PLPPR1: variants seen among roughly 807,000 people sequenced by gnomAD.
The protein encoded by PLPPR1 is phospholipid phosphatase-related protein type 1.
PLPPR1 carries 10 observed loss-of-function variants against 33.1 expected under a neutral mutation model. The ratio of observed to expected loss-of-function variants is 0.30; its 90% CI spans 0.19 to 0.51. The LOEUF (loss-of-function observed/expected upper bound fraction) is 0.51. Ranked by LOEUF, PLPPR1 falls within the 20% of genes least tolerant of loss-of-function variation. The probability of loss-of-function intolerance (pLI) is 0.97; values close to 1 mark genes in which losing one functional copy is unlikely to be tolerated. For synonymous variants in PLPPR1, 151 were observed against 151.0 expected (o/e 1.00, Z 0.00); for missense variants, 304 against 408.1 (o/e 0.74, Z 2.20).
chr9:101,128,254 G>C (rs1162631932), intron 1 of PLPPR1, among the ~76,000 whole-genome samples: 3 of 152,146 alleles, frequency 2.0e-5, no homozygotes, highest in Admixed American at 2.0e-4. Flanking sequence ...CAGCTGTAGA[G>C]AAATTCAAAG....
chr9:101,171,638 CAA>C (rs113283405), intron 1 of PLPPR1, among the ~76,000 whole-genome samples: 2,142 of 152,270 alleles, frequency 0.014, 11 homozygotes, highest in Middle Eastern at 0.02. Flanking sequence ...CTTGAAAGCT[CAA>C]AGAGTGTATT....
chr9:101,176,142 G>A (rs1236723165), intron 1 of PLPPR1, among the ~76,000 whole-genome samples: 2 of 152,104 alleles, frequency 1.3e-5, no homozygotes, highest in African/African-American at 2.4e-5. Context: ...AAGGGTAGCC[G>A]GACAAGCCAG....
intron 2 of PLPPR1, among the ~76,000 whole-genome samples, chr9:101,266,291 G>A (rs1010329691): frequency 1.3e-5 from 2 of 151,536 alleles, no homozygotes; most frequent in African/African-American, 2.4e-5. Flanking sequence ...AGCCAGGCGT[G>A]ATGGCATGCA....
At chr9:101,065,412 G>A (rs1830399161) in intron 1 of PLPPR1, among the ~76,000 whole-genome samples, 1 of 152,006 alleles carries the variant, frequency 6.6e-6, no homozygotes, top group Non-Finnish European at 1.5e-5. Flanking sequence ...ACATTTCTCT[G>A]GCACATTTGT....
intron 2 of PLPPR1, among the ~76,000 whole-genome samples, chr9:101,200,956 C>G (rs752806928): frequency 1.3e-5 from 2 of 152,136 alleles, no homozygotes; most frequent in Non-Finnish European, 2.9e-5. Flanking sequence ...AATATATGAG[C>G]CTGAGTAAAT....
At position 101,261,635 on chromosome 9, in the gene PLPPR1, G is replaced by A. The variant is rs2118881035; in HGVS notation, c.64-8245G>A. Among the ~76,000 whole-genome samples, 4 of 152,214 alleles carry A rather than the reference G, an allele frequency of 2.6e-5. No homozygotes were observed. In the Middle Eastern group the frequency reaches 0.01, roughly 391 times the overall value. ...TGATAGACTGGATAAATAAACTGTGGAACACATACACCATGGAATAGTATG... is the reference window on the plus strand; with the variant it reads ...TGATAGACTGGATAAATAAACTGTGAAACACATACACCATGGAATAGTATG... On this transcript the variant is annotated intron_variant, in intron 2 of 7. Transcript: ENST00000374874.
At chr9:101,184,669 T>C (rs1826174145) in intron 1 of PLPPR1, among the ~76,000 whole-genome samples, 1 of 152,042 alleles carries the variant, frequency 6.6e-6, no homozygotes, top group African/African-American at 2.4e-5. Flanking sequence ...TACTTCATTG[T>C]ATTAAGAAGA....
intron 1 of PLPPR1, among the ~76,000 whole-genome samples, chr9:101,179,351 A>G (rs1389362760): frequency 6.6e-6 from 1 of 152,184 alleles, no homozygotes; most frequent in African/African-American, 2.4e-5. Flanking sequence ...TGGGTAGTAG[A>G]AGAAGTTAAT....
intron 4 of PLPPR1, among the ~76,000 whole-genome samples, chr9:101,304,094 G>A (rs1332695209): frequency 6.6e-6 from 1 of 150,772 alleles, no homozygotes; most frequent in Non-Finnish European, 1.5e-5. Flanking sequence ...ATGATTTACA[G>A]TTTTCCAATT....
At chr9:101,069,746 C>T (rs1325767645) in intron 1 of PLPPR1, among the ~76,000 whole-genome samples, 2 of 152,124 alleles carry the variant, frequency 1.3e-5, no homozygotes, top group Non-Finnish European at 2.9e-5. Context: ...ACGTCCCTAA[C>T]TGTCAGCATC....
chr9:101,241,384 C>T (rs540384038), intron 2 of PLPPR1, among the ~76,000 whole-genome samples: 51 of 151,962 alleles, frequency 3.4e-4, no homozygotes, highest in Non-Finnish European at 6.8e-4. Flanking sequence ...TTTCCTTGGG[C>T]CACACATAAA....
intron 1 of PLPPR1, among the ~76,000 whole-genome samples, chr9:101,042,843 A>G (rs998866382): frequency 1.3e-5 from 2 of 152,310 alleles, no homozygotes; most frequent in Non-Finnish European, 1.5e-5. Context: ...GTCACTTCAT[A>G]TGGAATTCAC....
At chr9:101,132,915 C>T (rs1318080282) in intron 1 of PLPPR1, among the ~76,000 whole-genome samples, 3 of 152,194 alleles carry the variant, frequency 2.0e-5, no homozygotes, top group South Asian at 4.1e-4. Flanking sequence ...GTCTCTGGAA[C>T]TTGTCTCTGT....
chr9:101,068,023 T>G (rs536342650), intron 1 of PLPPR1, among the ~76,000 whole-genome samples: 11 of 152,222 alleles, frequency 7.2e-5, no homozygotes, highest in African/African-American at 2.6e-4. Context: ...CAGTTATTAT[T>G]AAAAGGTGTC....
intron 3 of PLPPR1, among the ~76,000 whole-genome samples, chr9:101,277,184 A>G (rs1264220195): frequency 1.3e-5 from 2 of 152,240 alleles, no homozygotes; most frequent in African/African-American, 2.4e-5. Context: ...GAAGCCTCCC[A>G]GGGAGAATAT....
intron 1 of PLPPR1, among the ~76,000 whole-genome samples, chr9:101,058,733 C>G (rs1372283477): frequency 6.6e-6 from 1 of 151,954 alleles, no homozygotes; most frequent in Non-Finnish European, 1.5e-5. Context: ...ATTTTATAGG[C>G]AAAAGAGTTT....
At chr9:101,030,920 G>A (rs1426238972) in intron 1 of PLPPR1, among the ~76,000 whole-genome samples, 1 of 151,600 alleles carries the variant, frequency 6.6e-6, no homozygotes, top group Non-Finnish European at 1.5e-5. Flanking sequence ...CATAGCCAAA[G>A]GTGAAAAGCT....
At position 101,172,667 on chromosome 9, in the gene PLPPR1, G is replaced by GCT. The variant is rs1412352595; in HGVS notation, c.-45-12774_-45-12773dup. On this transcript the variant is annotated intron_variant, in intron 1 of 7. Coordinates refer to ENST00000374874, the MANE Select transcript of PLPPR1 (RefSeq NM_207299.2). ...AAGGTCCCTCTGCAAACCCCCAAGT[G>GCT]CTCTCTCTCTGCAGCACTTTCCTCT... Among the ~76,000 whole-genome samples the GCT allele has an allele frequency of 3.3e-5, 5 of 152,090 alleles. No individual in the cohort carries two copies. The South Asian group carries it at 8.3e-4, about 25-fold the overall frequency.
At chr9:101,050,055 G>A (rs1171283457) in intron 1 of PLPPR1, among the ~76,000 whole-genome samples, 1 of 150,176 alleles carries the variant, frequency 6.7e-6, no homozygotes, top group Non-Finnish European at 1.5e-5. Context: ...AACCTGGGAG[G>A]CGGAGGTTGC....
Sources: allele counts gnomAD v4.1 joint callset (sites outside exome capture counted in the v4.1 genomes callset), GRCh38; gene constraint gnomAD v4.1.1; transcripts MANE v1.5; gene names NCBI Gene and HGNC (gene_info 2026-07-23, HGNC 2026-07-21).